Variants in ANAPC10 observed in about 807,000 individuals in gnomAD.
ANAPC10 encodes anaphase-promoting complex subunit 10.
In ANAPC10, 12 loss-of-function variants were observed where a neutral mutation model predicts 22.0. The ratio of observed to expected loss-of-function variants is 0.55; its 90% CI spans 0.35 to 0.88. The LOEUF is 0.88. Ranked by LOEUF, ANAPC10 falls within the 40% of genes least tolerant of loss-of-function variation. The pLI is 0.01. For missense variants in ANAPC10, 188 were observed against 220.9 expected (o/e 0.85, Z 0.94); for synonymous variants, 65 against 69.5 (o/e 0.94, Z 0.32).
intron 3 of ANAPC10, among the ~76,000 whole-genome samples, chr4:145,074,421 T>C (rs1372812991): frequency 2.0e-5 from 3 of 152,120 alleles, no homozygotes; most frequent in Non-Finnish European, 4.4e-5. Flanking sequence ...GTTTTCTGCA[T>C]GGCTGATAGA....
intron 4 of ANAPC10, among the ~76,000 whole-genome samples, chr4:145,063,455 TACTA>T (rs1187534699): frequency 2.9e-5 from 3 of 103,134 alleles, no homozygotes; most frequent in African/African-American, 1.1e-4. Flanking sequence ...AGTATTTTAT[TACTA>T]ACTCAGATTA....
chr4:145,052,174 T>C (rs1305332028), intron 4 of ANAPC10, among the ~76,000 whole-genome samples: 4 of 152,112 alleles, frequency 2.6e-5, no homozygotes, highest in Non-Finnish European at 5.9e-5. Flanking sequence ...AAGAAATAAG[T>C]TCAAGTCATC....
At chr4:145,036,926 G>A (rs1738631357) in intron 4 of ANAPC10, among the ~76,000 whole-genome samples, 2 of 151,940 alleles carry the variant, frequency 1.3e-5, no homozygotes, top group Non-Finnish European at 2.9e-5. Context: ...TTTCCCTAAA[G>A]GGTAGGGGAA....
intron 4 of ANAPC10, among the ~76,000 whole-genome samples, chr4:145,010,330 C>A (rs1051177813): frequency 6.6e-6 from 1 of 152,078 alleles, no homozygotes; most frequent in Non-Finnish European, 1.5e-5. Context: ...TGGGTATATA[C>A]CCAAAGGATT....
intron 4 of ANAPC10, among the ~76,000 whole-genome samples, chr4:145,049,017 T>A (rs1740716227): frequency 1.3e-5 from 2 of 152,214 alleles, no homozygotes. Flanking sequence ...GAGTCAGTCA[T>A]ACAATGTTTT....
chr4:145,060,637 G>A (rs1259487391), intron 4 of ANAPC10, among the ~76,000 whole-genome samples: 1 of 151,720 alleles, frequency 6.6e-6, no homozygotes, highest in African/African-American at 2.4e-5. Context: ...CCCTCCAGTG[G>A]GCAAACATCC....
intron 3 of ANAPC10, among the ~76,000 whole-genome samples, chr4:145,073,091 G>C (rs964179536): frequency 6.6e-6 from 1 of 152,038 alleles, no homozygotes; most frequent in African/African-American, 2.4e-5. Flanking sequence ...ACAGAATCTT[G>C]CTTTATCTCT....
Position 145,088,292 on chromosome 4 carries a change from T to C in ANAPC10, c.116-6542A>G, listed in dbSNP as rs895241384. ...ATGAGTTAGTCCAGTTCCCTTAGAATATCATTGGCACACTGATGACCTTCA... is the reference window on the plus strand; with the variant it reads ...ATGAGTTAGTCCAGTTCCCTTAGAACATCATTGGCACACTGATGACCTTCA... On this transcript the variant is annotated intron_variant, in intron 2 of 4. Transcript: ENST00000507656. Among the ~76,000 whole-genome samples the C allele has an allele frequency of 3.9e-5, 6 of 152,278 alleles. No homozygotes were observed. The South Asian group carries it at 1.2e-3, about 32-fold the overall frequency.
At chr4:145,014,552 C>G (rs1734818559) in intron 4 of ANAPC10, among the ~76,000 whole-genome samples, 1 of 152,062 alleles carries the variant, frequency 6.6e-6, no homozygotes, top group Non-Finnish European at 1.5e-5. Context: ...GTTCTAGGCC[C>G]CCCGCCCACC....
rs1579179242 is a variant in ANAPC10 at position 145,092,751 on chromosome 4, T to C, written c.115+3234A>G. Among the ~76,000 whole-genome samples, 4 of 152,286 alleles carry C rather than the reference T, an allele frequency of 2.6e-5. No individual in the cohort carries two copies. In the South Asian group the frequency reaches 8.3e-4, roughly 32 times the overall value. ...ACCAGTGAAGGAAAGCAAAACGTTC[T>C]ACCCTCCTTCCAAACCCTTCTCTCC... is the stretch of plus-strand genomic sequence containing the variant. On this transcript the variant is annotated intron_variant, in intron 2 of 4. Transcript: ENST00000507656.
chr4:145,072,599 T>C (rs893034810), intron 3 of ANAPC10, among the ~76,000 whole-genome samples: 2 of 152,172 alleles, frequency 1.3e-5, no homozygotes, highest in Non-Finnish European at 2.9e-5. Flanking sequence ...CCTGAACTTA[T>C]ATAATAGAGG....
At chr4:145,055,560 TAAATAAAAAAAAAATTAAATA>T (rs1362834373) in intron 4 of ANAPC10, among the ~76,000 whole-genome samples, 1 of 146,614 alleles carries the variant, frequency 6.8e-6, no homozygotes, top group Non-Finnish European at 1.5e-5. Context: ...ACTGTCTCAA[TAAATAAAAAAAAAATTAAATA>T]AAAAAAAAAG....
At chr4:145,076,745 G>C (rs764576977) in intron 3 of ANAPC10, among the ~76,000 whole-genome samples, 4 of 152,138 alleles carry the variant, frequency 2.6e-5, no homozygotes, top group Non-Finnish European at 4.4e-5. Context: ...AGACGAAATA[G>C]CTATTTTAAG....
chr4:145,080,011 T>C (rs1745738431), intron 3 of ANAPC10, among the ~76,000 whole-genome samples: 2 of 147,462 alleles, frequency 1.4e-5, no homozygotes, highest in East Asian at 4.1e-4. Context: ...CTACTCGGGA[T>C]CCTGAGGCAG....
chr4:145,046,351 A>G (rs547111717), intron 4 of ANAPC10, among the ~76,000 whole-genome samples: 2 of 152,120 alleles, frequency 1.3e-5, no homozygotes, highest in African/African-American at 4.8e-5. Flanking sequence ...AGAAAGTATA[A>G]GGGCTAAGAA....
At chr4:145,081,511 C>A in intron 3 of ANAPC10, 149 bp downstream of exon 3, 1 of 506,316 alleles carries the variant, frequency 2.0e-6, no homozygotes, top group Admixed American at 3.8e-5. Flanking sequence ...AATAATCTAA[C>A]TGAACTGAAA....
chr4:145,092,304 T>C (rs773738671), intron 2 of ANAPC10, among the ~76,000 whole-genome samples: 11 of 152,038 alleles, frequency 7.2e-5, no homozygotes, highest in Non-Finnish European at 1.5e-4. Flanking sequence ...ATCCTACACA[T>C]GTACCCCAGA....
At chr4:145,042,579 T>G (rs949861751) in intron 4 of ANAPC10, among the ~76,000 whole-genome samples, 1 of 152,204 alleles carries the variant, frequency 6.6e-6, no homozygotes, top group Non-Finnish European at 1.5e-5. Flanking sequence ...TTTTCTCTAC[T>G]TTTTTGATGT....
At chr4:145,077,015 C>T (rs187401646) in intron 3 of ANAPC10, among the ~76,000 whole-genome samples, 97 of 152,114 alleles carry the variant, frequency 6.4e-4, no homozygotes, top group Non-Finnish European at 1.1e-3. Flanking sequence ...CTGGCTGAAA[C>T]GGTGAAACCC....
Sources: allele counts gnomAD v4.1 joint callset (sites outside exome capture counted in the v4.1 genomes callset), GRCh38; gene constraint gnomAD v4.1.1; transcripts MANE v1.5; gene names NCBI Gene and HGNC (gene_info 2026-07-23, HGNC 2026-07-21).